TSHZ3: variants seen among roughly 807,000 people sequenced by gnomAD.
TSHZ3 encodes the protein teashirt zinc finger homeobox 3, also known as teashirt homolog 3.
In TSHZ3, 10 loss-of-function variants were observed where a neutral mutation model predicts 64.5. That is an observed-to-expected ratio of 0.16 (90% CI 0.10 to 0.26). TSHZ3 has a LOEUF of 0.26. Among genes scored for constraint, TSHZ3 ranks in the 10% least tolerant of loss-of-function variants. The pLI is 1.00. For missense variants in TSHZ3, 1,242 were observed against 1,421.7 expected (o/e 0.87, Z 2.03); for synonymous variants, 608 against 593.1 (o/e 1.03, Z -0.36).
intron 1 of TSHZ3, among the ~76,000 whole-genome samples, chr19:31,243,540 G>A (rs1334203642): frequency 6.6e-6 from 1 of 152,176 alleles, no homozygotes; most frequent in Non-Finnish European, 1.5e-5. Context: ...AGAGGGAGGT[G>A]AGCCCGGCAG....
intron 1 of TSHZ3, among the ~76,000 whole-genome samples, chr19:31,347,375 G>C (rs923543921): frequency 6.6e-6 from 1 of 151,954 alleles, no homozygotes; most frequent in East Asian, 1.9e-4. Flanking sequence ...AGAGAGTTCT[G>C]AACCAAATGT....
In TSHZ3 at chr19:31,278,036, G is replaced by A. The variant is rs144055691; in HGVS notation, c.1757C>T (p.Thr586Met). ...TGGAGAGACCAGGGTCTGGTTTTTC[G>A]TCGGGGAGACAATCTCACTGTTGCC... is the stretch of plus-strand genomic sequence containing the variant. ...MFGNSEIVSPTKNQTLVSPPS... is the reference protein window; with the variant it reads ...MFGNSEIVSPMKNQTLVSPPS... The change falls in exon 2 of 2, where the codon ACG becomes ATG. Residue 586 changes from threonine (T) to methionine (M), a missense_variant. Physicochemically the swap from Thr to Met is moderately conservative, Grantham distance 81. Coordinates refer to ENST00000240587, the MANE Select transcript of TSHZ3 (RefSeq NM_020856.4). The surrounding 1 kb of genome is among the most constrained non-coding windows in gnomAD (Gnocchi z 4.7). 1.3e-4 allele frequency: 210 copies of A among 1,613,098 alleles called. No individual in the cohort carries two copies. The highest frequency in any genetic ancestry group is 3.3e-4 in the African/African-American group (25 of 75,026).
chr19:31,321,547 G>A (rs1444598642), intron 1 of TSHZ3, among the ~76,000 whole-genome samples: 7 of 152,126 alleles, frequency 4.6e-5, no homozygotes, highest in East Asian at 1.9e-4. Context: ...GTCTGCATAC[G>A]GCAGACTCAC....
At chr19:31,268,686 G>C (rs1286293712) in intron 1 of TSHZ3, among the ~76,000 whole-genome samples, 1 of 152,304 alleles carries the variant, frequency 6.6e-6, no homozygotes, top group East Asian at 1.9e-4. Context: ...TGCCACCCGA[G>C]AAGAATATCA....
Position 31,156,024 on chromosome 19 carries a change from C to T in TSHZ3, n.871+332G>A, listed in dbSNP as rs542856420. Among the ~76,000 whole-genome samples, 3 of 152,326 alleles carry T rather than the reference C, an allele frequency of 2.0e-5. No individual in the cohort carries two copies. The South Asian group carries it at 6.2e-4, about 32-fold the overall frequency. ...ATTGTTGTTAACCAATCTGGCTCAA[C>T]TATTGGAATGTGTGCCTCTTTCTTC... On this transcript the variant is annotated intron_variant and non_coding_transcript_variant, in intron 6 of 6. Coordinates refer to the TSHZ3 transcript ENST00000651361.
At chr19:31,313,957 G>C (rs1916533249) in intron 1 of TSHZ3, among the ~76,000 whole-genome samples, 2 of 152,164 alleles carry the variant, frequency 1.3e-5, no homozygotes, top group Non-Finnish European at 2.9e-5. Flanking sequence ...TTGTAAATCA[G>C]GTAATACCTT....
chr19:31,229,390 A>G (rs1028219345), intron 3 of TSHZ3, among the ~76,000 whole-genome samples: 1 of 152,196 alleles, frequency 6.6e-6, no homozygotes, highest in Non-Finnish European at 1.5e-5. Context: ...ATTCCATAAT[A>G]GGAGAGCTTT....
At chr19:31,158,268 TA>T (rs1974331074) in intron 5 of TSHZ3, among the ~76,000 whole-genome samples, 1 of 152,042 alleles carries the variant, frequency 6.6e-6, no homozygotes, top group Admixed American at 6.5e-5. Flanking sequence ...TCAAGGACAA[TA>T]GAGAAAAAAA....
At chr19:31,349,002 G>A in intron 1 of TSHZ3, 178 bp downstream of exon 1, 1 of 760,694 alleles carries the variant, frequency 1.3e-6, no homozygotes, top group Non-Finnish European at 2.0e-6. Context: ...GCGGCGGGGC[G>A]TCCGGGGGGC....
intron 1 of TSHZ3, among the ~76,000 whole-genome samples, chr19:31,252,574 A>G (rs1211074615): frequency 1.3e-5 from 2 of 152,190 alleles, no homozygotes; most frequent in Non-Finnish European, 2.9e-5. Context: ...GTGAGTTCTC[A>G]GAAGATCTGA....
intron 5 of TSHZ3, among the ~76,000 whole-genome samples, chr19:31,202,118 A>T (rs577301250): frequency 4.6e-5 from 7 of 152,244 alleles, no homozygotes; most frequent in African/African-American, 1.7e-4. Context: ...GTGAGCTGAG[A>T]TCGTGCCATT....
intron 5 of TSHZ3, among the ~76,000 whole-genome samples, chr19:31,161,605 C>T (rs928495618): frequency 1.6e-4 from 24 of 152,192 alleles, no homozygotes; most frequent in African/African-American, 5.8e-4. Flanking sequence ...GTCGCATCTG[C>T]ATTTCCTAAT....
In TSHZ3 at chr19:31,279,061, A is replaced by G; in HGVS notation, c.732T>C (p.His244=). The G allele has an allele frequency of 6.2e-7, 1 of 1,613,910 alleles. No individual in the cohort carries two copies. Among genetic ancestry groups the G allele is most frequent in the Non-Finnish European group, 8.5e-7 (1 of 1,179,960 alleles). The part of the protein sequence containing the change: ...NETGHYRDDN[H]ETDNNNPKRW... ...GCTTGGGGTTGTTGTTATCGGTCTC[A>G]TGGTTGTCGTCGCGGTAATGCCCCG... Residue 244 remains histidine, a synonymous_variant, in exon 2 of 2, where the codon CAT becomes CAC. Coordinates refer to ENST00000240587, the MANE Select transcript of TSHZ3 (RefSeq NM_020856.4). This position sits in a 1 kb window ranked among gnomAD's most constrained non-coding sequence, Gnocchi z 6.4.
At chr19:31,177,786 C>T (rs1476078906) in intron 5 of TSHZ3, among the ~76,000 whole-genome samples, 1 of 152,200 alleles carries the variant, frequency 6.6e-6, no homozygotes, top group Non-Finnish European at 1.5e-5. Flanking sequence ...GGAATATTCT[C>T]TTTTGAAGCT....
At chr19:31,265,414 A>AG (rs1196830695) in intron 1 of TSHZ3, among the ~76,000 whole-genome samples, 6 of 149,966 alleles carry the variant, frequency 4.0e-5, no homozygotes, top group Admixed American at 1.3e-4. Context: ...AAAAAAAAAA[A>AG]AAAAAAGAAA....
At chr19:31,160,181 A>C (rs1410522459) in intron 5 of TSHZ3, among the ~76,000 whole-genome samples, 2 of 152,090 alleles carry the variant, frequency 1.3e-5, no homozygotes, top group Non-Finnish European at 2.9e-5. Flanking sequence ...TTGCTGAGGC[A>C]CAGATAGGTT....
At chr19:31,289,733 GTCCCTGTA>G (rs1425866571) in intron 1 of TSHZ3, among the ~76,000 whole-genome samples, 1 of 152,062 alleles carries the variant, frequency 6.6e-6, no homozygotes, top group Non-Finnish European at 1.5e-5. Flanking sequence ...GGCTGCCACT[GTCCCTGTA>G]GCCCCTAGCC....
chr19:31,162,425 G>A (rs1349192958), intron 5 of TSHZ3, among the ~76,000 whole-genome samples: 1 of 152,090 alleles, frequency 6.6e-6, no homozygotes, highest in Non-Finnish European at 1.5e-5. Context: ...AGAGGAGGGG[G>A]AAATTATTTC....
rs141481856 is a variant in TSHZ3 at position 31,178,583 on chromosome 19, G to A, written n.810-22166C>T. On this transcript the variant is annotated intron_variant and non_coding_transcript_variant, in intron 5 of 6. Transcript: ENST00000651361. ...AATCCCAGCTACTTAGGAGGCTGAGGCAGGAGAATCACTTGAAACCGGGAG... is the reference window on the plus strand; with the variant it reads ...AATCCCAGCTACTTAGGAGGCTGAGACAGGAGAATCACTTGAAACCGGGAG... 1.4e-3 allele frequency among the ~76,000 whole-genome samples: 218 copies of A among 152,316 alleles called. 1 individual carries two copies. The highest frequency in any genetic ancestry group is 5.0e-3 in the African/African-American group (208 of 41,570).
Sources: gnomAD v4.1 joint callset for allele counts (sites outside exome capture counted in the v4.1 genomes callset) on GRCh38, gnomAD v4.1.1 for gene constraint, Gnocchi (gnomAD v3.1) non-coding constraint, MANE v1.5 for transcripts, NCBI Gene and HGNC (gene_info 2026-07-23, HGNC 2026-07-21) for gene names.